ERC2: variants seen among roughly 807,000 people sequenced by gnomAD.
ERC2 encodes the protein ERC protein 2.
Under a neutral mutation model 114.8 loss-of-function variants are expected in ERC2, and 42 were observed. The observed-to-expected ratio is 0.37, with a 90% CI of 0.29 to 0.47. The LOEUF (loss-of-function observed/expected upper bound fraction) is 0.47, where lower values mean the gene tolerates loss of function less well. ERC2 is among the 20% of genes least tolerant of loss of function. ERC2 has a pLI of 0.99. For synonymous variants in ERC2, 454 were observed against 425.5 expected (o/e 1.07, Z -0.82); for missense variants, 939 against 1,150.7 (o/e 0.82, Z 2.66).
chr3:56,448,566 T>G (rs2062687074), intron 1 of ERC2, among the ~76,000 whole-genome samples: 1 of 152,124 alleles, frequency 6.6e-6, no homozygotes, highest in Non-Finnish European at 1.5e-5. Flanking sequence ...CTCATACACA[T>G]GAACTCTGCA....
At chr3:55,515,601 A>G (rs528587959) in intron 17 of ERC2, among the ~76,000 whole-genome samples, 6 of 149,840 alleles carry the variant, frequency 4.0e-5, no homozygotes, top group African/African-American at 1.5e-4. Flanking sequence ...CTAAGAATGT[A>G]TAAATAGTAT....
rs536280183 is a variant in ERC2, at chr3:55,764,628, A to C, written c.2565-29710T>G. ...AATTCTGCTTAGGTCGTAGGATCTT[A>C]AAGTCTGAATTAACAACTTCTAAAC... is the stretch of plus-strand genomic sequence containing the variant. On this transcript the variant is annotated intron_variant, in intron 14 of 17. Coordinates refer to ENST00000288221, the MANE Select transcript of ERC2 (RefSeq NM_015576.3). 2.0e-4 allele frequency among the ~76,000 whole-genome samples: 30 copies of C among 152,360 alleles called. No individual in the cohort carries two copies. The South Asian group carries it at 4.1e-3, about 21-fold the overall frequency.
At chr3:55,787,144 C>T (rs1228496005) in intron 14 of ERC2, among the ~76,000 whole-genome samples, 3 of 152,034 alleles carry the variant, frequency 2.0e-5, no homozygotes, top group African/African-American at 4.8e-5. Flanking sequence ...GGCTGGGGGG[C>T]GATGGCTCAC....
At chr3:56,026,018 A>G (rs893571478) in intron 7 of ERC2, among the ~76,000 whole-genome samples, 1 of 151,396 alleles carries the variant, frequency 6.6e-6, no homozygotes, top group Non-Finnish European at 1.5e-5. Flanking sequence ...ATAAAAAAGT[A>G]AGTATTGTAT....
intron 16 of ERC2, among the ~76,000 whole-genome samples, chr3:55,685,496 C>G (rs752227098): frequency 3.9e-5 from 6 of 152,196 alleles, no homozygotes; most frequent in Non-Finnish European, 8.8e-5. Flanking sequence ...ATTCATTTAA[C>G]TTCCTCTCTG....
At chr3:55,652,496 T>G (rs1027065225) in intron 17 of ERC2, among the ~76,000 whole-genome samples, 8 of 152,138 alleles carry the variant, frequency 5.3e-5, no homozygotes, top group Non-Finnish European at 1.0e-4. Flanking sequence ...CTAACTCTAC[T>G]AACCACTATT....
chr3:56,036,250 A>G (rs1230945089), intron 7 of ERC2, among the ~76,000 whole-genome samples: 2 of 152,228 alleles, frequency 1.3e-5, no homozygotes, highest in Non-Finnish European at 2.9e-5. Context: ...AGCTAACTTA[A>G]TACTCAATGG....
intron 2 of ERC2, among the ~76,000 whole-genome samples, chr3:56,359,783 G>A (rs1347087350): frequency 2.0e-5 from 3 of 149,330 alleles, no homozygotes; most frequent in Admixed American, 1.3e-4. Flanking sequence ...TGCAGATCAC[G>A]TGGCAAGAAA....
chr3:55,540,484 G>A (rs2054319276), intron 17 of ERC2, among the ~76,000 whole-genome samples: 1 of 152,330 alleles, frequency 6.6e-6, no homozygotes, highest in Non-Finnish European at 1.5e-5. Flanking sequence ...AGGGAATAGA[G>A]GTAAGAAATG....
At chr3:55,628,288 C>T (rs1257976691) in intron 17 of ERC2, among the ~76,000 whole-genome samples, 1 of 67,326 alleles carries the variant, frequency 1.5e-5, no homozygotes, top group Non-Finnish European at 2.8e-5. Context: ...TAGCACTAGC[C>T]ACTAGCTCAG....
At chr3:55,713,669 T>G (rs960370649) in intron 15 of ERC2, among the ~76,000 whole-genome samples, 26 of 152,338 alleles carry the variant, frequency 1.7e-4, no homozygotes, top group East Asian at 5.8e-4. Flanking sequence ...AAGCATGTTT[T>G]CAAAGGCTTT....
rs1163270018 is a variant in ERC2, at chr3:56,435,143, G to C, written c.-136C>G. On this transcript the variant is annotated 5_prime_UTR_variant, in exon 2 of 18. Transcript: ENST00000288221. ...CCGTACCAGAAAATAACTCCACTCAGAGATCTACAAAGTGAAAAAAAGAAT... is the reference window on the plus strand; with the variant it reads ...CCGTACCAGAAAATAACTCCACTCACAGATCTACAAAGTGAAAAAAAGAAT... 3 of 642,334 alleles carry C rather than the reference G, an allele frequency of 4.7e-6. No homozygotes were observed. The highest frequency in any genetic ancestry group is 6.1e-5 in the Admixed American group (2 of 32,780). 39.8% of individuals were successfully genotyped at this position (642,334 alleles called of 1,614,324 possible). A position where few individuals can be genotyped will look rare whatever the true frequency, so the allele number is the denominator to read the frequency against.
At chr3:56,374,198 G>A (rs540110149) in intron 2 of ERC2, among the ~76,000 whole-genome samples, 12 of 152,276 alleles carry the variant, frequency 7.9e-5, no homozygotes, top group Non-Finnish European at 1.3e-4. Flanking sequence ...CCAGGTTCAC[G>A]CCATTCTCCT....
Position 56,253,617 on chromosome 3 carries a change from G to A in ERC2, c.1074+42402C>T, listed in dbSNP as rs543866253. ...TGAATGGGAGGCTTGAGAGATAACT[G>A]TAGGTGTACAGACCACTTGTGGTTC... On this transcript the variant is annotated intron_variant, in intron 3 of 17. Transcript: ENST00000288221. 3.3e-5 allele frequency among the ~76,000 whole-genome samples: 5 copies of A among 152,340 alleles called. No homozygotes were observed. The South Asian group carries it at 1.0e-3, about 32-fold the overall frequency.
intron 17 of ERC2, among the ~76,000 whole-genome samples, chr3:55,559,624 C>A (rs1306994393): frequency 6.6e-6 from 1 of 152,256 alleles, no homozygotes; most frequent in African/African-American, 2.4e-5. Flanking sequence ...GCTAGACTGT[C>A]AGGGGTGCAA....
intron 14 of ERC2, among the ~76,000 whole-genome samples, chr3:55,790,677 T>C (rs916133226): frequency 2.0e-5 from 3 of 152,214 alleles, no homozygotes; most frequent in African/African-American, 7.2e-5. Context: ...GGCCAACTTC[T>C]GGGGAAACCC....
chr3:55,537,792 T>C (rs2054096505), intron 17 of ERC2, among the ~76,000 whole-genome samples: 1 of 152,190 alleles, frequency 6.6e-6, no homozygotes, highest in African/African-American at 2.4e-5. Flanking sequence ...TGAGGACACA[T>C]TTCAACATCT....
At chr3:55,790,505 G>A (rs1391526852) in intron 14 of ERC2, among the ~76,000 whole-genome samples, 4 of 152,138 alleles carry the variant, frequency 2.6e-5, no homozygotes, top group Non-Finnish European at 5.9e-5. Flanking sequence ...CTACTTGTGG[G>A]CTTCTTCTTG....
At chr3:55,997,454 A>G (rs2071606159) in intron 10 of ERC2, among the ~76,000 whole-genome samples, 1 of 150,164 alleles carries the variant, frequency 6.7e-6, no homozygotes, top group African/African-American at 2.4e-5. Context: ...AGTTATAAAT[A>G]AAATATTACA....
Sources: gnomAD v4.1 joint callset for allele counts (sites outside exome capture counted in the v4.1 genomes callset) on GRCh38, gnomAD v4.1.1 for gene constraint, MANE v1.5 for transcripts, NCBI Gene and HGNC (gene_info 2026-07-23, HGNC 2026-07-21) for gene names.